PCSK5: variants seen among roughly 807,000 people sequenced by gnomAD.
PCSK5 encodes prohormone convertase 5.
Under a neutral mutation model 233.2 loss-of-function variants are expected in PCSK5, and 129 were observed. The observed-to-expected ratio is 0.55, with a 90% CI of 0.48 to 0.64. PCSK5 has a LOEUF of 0.64. Among genes scored for constraint, PCSK5 ranks in the 30% least tolerant of loss-of-function variants. The pLI, the probability that PCSK5 is intolerant of heterozygous loss-of-function variation, is 0.00. For missense variants in PCSK5, 2,076 were observed against 2,430.1 expected (o/e 0.85, Z 3.06); for synonymous variants, 825 against 879.2 (o/e 0.94, Z 1.09).
chr9:76,231,867 A>C (rs1412126338), intron 21 of PCSK5, among the ~76,000 whole-genome samples: 1 of 152,180 alleles, frequency 6.6e-6, no homozygotes, highest in East Asian at 1.9e-4. Flanking sequence ...AGTGGACCAA[A>C]AGGATTGTTC....
At position 76,027,006 on chromosome 9, in the gene PCSK5, A is replaced by G; in HGVS notation, c.601A>G (p.Met201Val). Residue 201 changes from methionine (M) to valine (V), a missense_variant, in exon 5 of 38, where the codon ATG becomes GTG. Met to Val is a conservative substitution (Grantham distance 21, BLOSUM62 1). Transcript: ENST00000674117. The stretch of plus-strand genomic sequence containing the variant: ...CGTGAATGGGAATGACTTGGACCCA[A>G]TGCCTCGTTATGATGCAAGCAACGA... ...CDVNGNDLDP[M>V]PRYDASNENK... 6.2e-7 allele frequency: 1 copy of G among 1,609,680 alleles called. No homozygotes were observed. The highest frequency in any genetic ancestry group is 8.5e-7 in the Non-Finnish European group (1 of 1,177,588).
At chr9:76,281,599 C>G (rs907673518) in intron 24 of PCSK5, among the ~76,000 whole-genome samples, 11 of 152,160 alleles carry the variant, frequency 7.2e-5, no homozygotes, top group African/African-American at 2.7e-4. Flanking sequence ...TTCATACCTG[C>G]TAACAGGACA....
chr9:76,342,976 T>C (rs1829876009), intron 35 of PCSK5, among the ~76,000 whole-genome samples: 1 of 152,184 alleles, frequency 6.6e-6, no homozygotes, highest in African/African-American at 2.4e-5. Context: ...GTCACTGTCT[T>C]AGTTCAGACT....
chr9:76,145,053 A>T (rs1487875165), intron 10 of PCSK5, among the ~76,000 whole-genome samples: 1 of 152,142 alleles, frequency 6.6e-6, no homozygotes, highest in East Asian at 1.9e-4. Flanking sequence ...TGAACCTGGG[A>T]GGCAGAGGTT....
intron 20 of PCSK5, among the ~76,000 whole-genome samples, chr9:76,218,445 C>A (rs545349299): frequency 6.6e-6 from 1 of 152,212 alleles, no homozygotes; most frequent in East Asian, 1.9e-4. Flanking sequence ...AATTTGGGAT[C>A]CAGTCTGACC....
intron 16 of PCSK5, 91 bp from the exon 17 acceptor site, chr9:76,184,582 T>C (rs897341529): frequency 2.6e-6 from 2 of 761,550 alleles, no homozygotes; most frequent in East Asian, 2.6e-5. Flanking sequence ...ATAGGTACTG[T>C]AGCATACATT....
chr9:76,027,462 C>T (rs773944979), intron 5 of PCSK5, among the ~76,000 whole-genome samples: 5 of 151,980 alleles, frequency 3.3e-5, no homozygotes, highest in African/African-American at 4.8e-5. Flanking sequence ...TCCTCCTTCG[C>T]TCCTCTCTCC....
At chr9:75,997,915 C>T (rs1029055897) in intron 3 of PCSK5, among the ~76,000 whole-genome samples, 1 of 152,130 alleles carries the variant, frequency 6.6e-6, no homozygotes, top group Admixed American at 6.6e-5. Context: ...CTTCTTTTCT[C>T]TTTTAGTTTC....
chr9:76,140,099 G>A (rs961445051), intron 10 of PCSK5, among the ~76,000 whole-genome samples: 4 of 152,012 alleles, frequency 2.6e-5, no homozygotes, highest in Admixed American at 6.6e-5. Flanking sequence ...TAGGCTTTTG[G>A]GGGTTTCATT....
rs893099961 is a variant in PCSK5, at chr9:76,360,970, T to C, written c.*2048T>C. The C allele has an allele frequency of 1.3e-5, 2 of 152,220 alleles. No homozygotes were observed. Among genetic ancestry groups the C allele is most frequent in the Admixed American group, 6.5e-5 (1 of 15,280 alleles). The allele number at this position is 152,220 out of a possible 1,614,324, so 9.4% of individuals were successfully genotyped here. ...CAGATTTGGCCAACAGGCTGTACTT[T>C]GCTGACTTTATCTTTAAAACAGTTT... On this transcript the variant is annotated 3_prime_UTR_variant, in exon 38 of 38. Transcript: ENST00000674117.
chr9:76,289,469 CCACACACACACACACACACACACACA>C (rs201456283), intron 24 of PCSK5, among the ~76,000 whole-genome samples: 6 of 129,862 alleles, frequency 4.6e-5, no homozygotes, highest in Admixed American at 1.6e-4. Flanking sequence ...ATTCCCCTCA[CCACACACACACACACACACACACACA>C]CACACACACA....
chr9:76,185,060 T>C (rs1402454233), intron 17 of PCSK5, among the ~76,000 whole-genome samples: 1 of 152,220 alleles, frequency 6.6e-6, no homozygotes, highest in Non-Finnish European at 1.5e-5. Flanking sequence ...ACCTGCATTG[T>C]GCCAGTCAAG....
At chr9:76,007,862 A>C (rs1008522539) in intron 3 of PCSK5, among the ~76,000 whole-genome samples, 1 of 148,752 alleles carries the variant, frequency 6.7e-6, no homozygotes, top group African/African-American at 2.5e-5. Flanking sequence ...GCCACAAAAA[A>C]ATACAACATG....
chr9:76,323,621 G>C (rs1228377361), intron 32 of PCSK5, among the ~76,000 whole-genome samples: 1 of 152,158 alleles, frequency 6.6e-6, no homozygotes, highest in African/African-American at 2.4e-5. Flanking sequence ...GATTACAGGT[G>C]TGAGTCACCA....
At chr9:76,007,953 A>C (rs1166995135) in intron 3 of PCSK5, among the ~76,000 whole-genome samples, 1 of 151,960 alleles carries the variant, frequency 6.6e-6, no homozygotes, top group African/African-American at 2.4e-5. Flanking sequence ...TTCTCCATCA[A>C]GTCTTCAACG....
intron 1 of PCSK5, among the ~76,000 whole-genome samples, chr9:75,916,138 T>G (rs1822976781): frequency 6.6e-6 from 1 of 152,198 alleles, no homozygotes; most frequent in Non-Finnish European, 1.5e-5. Flanking sequence ...ATATTAATCT[T>G]AAAGTTAATC....
At position 75,917,530 on chromosome 9, in the gene PCSK5, G is replaced by A. The variant is rs536958411; in HGVS notation, c.193-14849G>A. On this transcript the variant is annotated intron_variant, in intron 1 of 37. Coordinates refer to ENST00000674117, the MANE Select transcript of PCSK5 (RefSeq NM_001372043.1). Reference sequence around the variant, plus strand: ...TAACATCAGATTCAATATTTGCCCCGAGGCAGCTCAAAGAGTAGATGGTTC... The same window carrying A: ...TAACATCAGATTCAATATTTGCCCCAAGGCAGCTCAAAGAGTAGATGGTTC... Among the ~76,000 whole-genome samples the A allele has an allele frequency of 1.2e-4, 18 of 152,304 alleles. No homozygotes were observed. In the East Asian group the frequency reaches 2.5e-3, roughly 21 times the overall value.
chr9:76,148,637 C>T (rs1823548715), intron 10 of PCSK5, among the ~76,000 whole-genome samples: 1 of 152,164 alleles, frequency 6.6e-6, no homozygotes, highest in African/African-American at 2.4e-5. Context: ...AGGGGATACC[C>T]TTCTGTCCAT....
At chr9:76,268,499 A>T (rs1227423556) in intron 24 of PCSK5, among the ~76,000 whole-genome samples, 1 of 152,192 alleles carries the variant, frequency 6.6e-6, no homozygotes, top group African/African-American at 2.4e-5. Flanking sequence ...CCTGGTGTGT[A>T]CCCCAGTCTG....
Sources: allele counts gnomAD v4.1 joint callset (sites outside exome capture counted in the v4.1 genomes callset), GRCh38; gene constraint gnomAD v4.1.1; transcripts MANE v1.5; gene names NCBI Gene and HGNC (gene_info 2026-07-23, HGNC 2026-07-21).